URB2: variants seen among roughly 807,000 people sequenced by gnomAD.
URB2 encodes unhealthy ribosome biogenesis protein 2 homolog.
URB2 carries 86 observed loss-of-function variants against 120.9 expected under a neutral mutation model. That is an observed-to-expected ratio of 0.71 (90% CI 0.60 to 0.85). URB2 has a LOEUF of 0.85. Ranked by LOEUF, URB2 falls within the 40% of genes least tolerant of loss-of-function variation. The probability of loss-of-function intolerance (pLI) is 0.00; values close to 1 mark genes in which losing one functional copy is unlikely to be tolerated. For synonymous variants in URB2, 755 were observed against 758.4 expected (o/e 1.00, Z 0.07); for missense variants, 1,765 against 1,836.5 (o/e 0.96, Z 0.71).
At chr1:229,639,462 G>A (rs1215654468) in intron 4 of URB2, among the ~76,000 whole-genome samples, 3 of 151,464 alleles carry the variant, frequency 2.0e-5, no homozygotes, top group East Asian at 3.9e-4. Context: ...AGCCTCCCAA[G>A]TAACTGGGAC....
rs979221590 is a variant in URB2 at position 229,643,529 on chromosome 1, A to G, written c.3635-4A>G. 4 of 1,613,936 alleles carry G rather than the reference A, an allele frequency of 2.5e-6. No individual in the cohort carries two copies. The African/African-American group carries it at 4.0e-5, about 16-fold the overall frequency. On this transcript the variant is annotated splice_polypyrimidine_tract_variant and splice_region_variant and intron_variant, in intron 4 of 9. Transcript: ENST00000258243. The stretch of plus-strand genomic sequence containing the variant: ...TTAACAATTTTGGTTTCTTTCCCAC[A>G]CAGATCCTGAAATTCCTGTTCAGGT...
intron 2 of URB2, among the ~76,000 whole-genome samples, chr1:229,628,098 A>C (rs1054583532): frequency 7.1e-6 from 1 of 140,012 alleles, no homozygotes; most frequent in East Asian, 2.0e-4. Flanking sequence ...AAAATTATAT[A>C]TATTATATAT....
chr1:229,636,686 C>T lies in URB2; in HGVS notation c.2073C>T (p.Phe691=), dbSNP rs781516976. Residue 691 remains phenylalanine (F), a synonymous_variant, in exon 4 of 10, where the codon TTC becomes TTT. Coordinates refer to ENST00000258243, the MANE Select transcript of URB2 (RefSeq NM_014777.4). ...KMKRTLMQTS[F]RSEGAIQSLR... ...AAAGGACTTTAATGCAAACTAGTTT[C>T]CGGTCTGAAGGAGCCATCCAAAGTT... 6.2e-7 allele frequency: 1 copy of T among 1,614,172 alleles called. No individual in the cohort carries two copies. The highest frequency in any genetic ancestry group is 2.2e-5 in the East Asian group (1 of 44,882).
At chr1:229,655,966 A>T (rs1439642832) in intron 9 of URB2, among the ~76,000 whole-genome samples, 1 of 152,164 alleles carries the variant, frequency 6.6e-6, no homozygotes, top group African/African-American at 2.4e-5. Flanking sequence ...GGCCTTGCTC[A>T]CCTCGGCAGG....
chr1:229,628,246 A>G (rs1258597022), intron 2 of URB2, among the ~76,000 whole-genome samples: 1 of 145,800 alleles, frequency 6.9e-6, no homozygotes, highest in African/African-American at 2.5e-5. Flanking sequence ...TATATTATAC[A>G]TATACATATT....
At chr1:229,639,827 C>G (rs1237421141) in intron 4 of URB2, among the ~76,000 whole-genome samples, 1 of 152,168 alleles carries the variant, frequency 6.6e-6, no homozygotes, top group Non-Finnish European at 1.5e-5. Context: ...ACTAGGACCT[C>G]GTACACAGCC....
intron 7 of URB2, among the ~76,000 whole-genome samples, chr1:229,648,612 G>A (rs1381360094): frequency 6.6e-6 from 1 of 152,146 alleles, no homozygotes; most frequent in East Asian, 1.9e-4. Context: ...TGTGAAGGAG[G>A]CAGTAATCCC....
rs1328424714 is a variant in URB2 at position 229,659,238 on chromosome 1, A to G, written c.4516A>G (p.Asn1506Asp). 2 of 1,614,064 alleles carry G rather than the reference A, an allele frequency of 1.2e-6. No individual in the cohort carries two copies. The highest frequency in any genetic ancestry group is 3.3e-5 in the Admixed American group (2 of 60,032). ...GMRDIFKELY[N>D]DYLKYHKAKH... ...GAGAGACATCTTTAAGGAGCTCTAT[A>G]ATGACTATCTCAAGTACCACAAGGC... The change falls in exon 10 of 10, where the codon AAT (asparagine) becomes GAT (aspartate). Residue 1506 changes from asparagine to aspartate, a missense_variant. Coordinates refer to ENST00000258243, the MANE Select transcript of URB2 (RefSeq NM_014777.4).
At chr1:229,643,791 C>G (rs966541403) in intron 5 of URB2, 98 bp downstream of exon 5, 1 of 1,465,346 alleles carries the variant, frequency 6.8e-7, no homozygotes, top group Non-Finnish European at 9.2e-7. Flanking sequence ...TAAAACTAAA[C>G]AAGTTCTAAC....
intron 9 of URB2, among the ~76,000 whole-genome samples, chr1:229,655,554 T>G (rs1024204164): frequency 6.6e-6 from 1 of 152,222 alleles, no homozygotes; most frequent in Non-Finnish European, 1.5e-5. Flanking sequence ...TATCTTACTT[T>G]GGAATGTCAT....
Position 229,637,489 on chromosome 1 carries a change from G to T in URB2, c.2876G>T (p.Arg959Leu). 1.2e-6 allele frequency: 2 copies of T among 1,614,160 alleles called. No homozygotes were observed. The highest frequency in any genetic ancestry group is 1.7e-6 in the Non-Finnish European group (2 of 1,180,042). The change falls in exon 4 of 10, where the codon CGC becomes CTC. Residue 959 changes from arginine (R) to leucine (L), a missense_variant. By Grantham distance (102) the Arg-to-Leu change is moderately radical. Transcript: ENST00000258243. ...LGYLQKGKSA[R>L]SVFKIMYGSD... The stretch of plus-strand genomic sequence containing the variant: ...TACTTGCAAAAGGGGAAAAGTGCTC[G>T]CTCTGTGTTCAAGATCATGTATGGT...
At chr1:229,654,471 G>T in intron 9 of URB2, 83 bp downstream of exon 9, 1 of 1,583,152 alleles carries the variant, frequency 6.3e-7, no homozygotes. Context: ...GGCAAGCGGT[G>T]TTCTGGATCT....
At chr1:229,651,764 T>C (rs183245889) in intron 8 of URB2, among the ~76,000 whole-genome samples, 18 of 152,340 alleles carry the variant, frequency 1.2e-4, no homozygotes, top group Admixed American at 7.8e-4. Context: ...GGCAAGGGTG[T>C]GTTTGTTTAC....
At chr1:229,642,013 A>G (rs781407322) in intron 4 of URB2, among the ~76,000 whole-genome samples, 1 of 152,120 alleles carries the variant, frequency 6.6e-6, no homozygotes, top group African/African-American at 2.4e-5. Flanking sequence ...CTGTCTCCAG[A>G]AACATAAAAA....
Position 229,635,141 on chromosome 1 carries a change from C to T in URB2, c.528C>T (p.Ala176=), listed in dbSNP as rs147872847. 3 of 1,614,140 alleles carry T rather than the reference C, an allele frequency of 1.9e-6. No individual in the cohort carries two copies. Among genetic ancestry groups the T allele is most frequent in the Non-Finnish European group, 2.5e-6 (3 of 1,180,026 alleles). Residue 176 remains alanine (A), a synonymous_variant, in exon 4 of 10, where the codon GCC becomes GCT. Coordinates refer to ENST00000258243, the MANE Select transcript of URB2 (RefSeq NM_014777.4). ...VAQLFEVIHL[A]LGHYLLILQQ... ...AGTTGTTTGAGGTCATTCACCTGGC[C>T]CTTGGCCATTATCTCTTGATCCTGC... is the stretch of plus-strand genomic sequence containing the variant.
intron 9 of URB2, among the ~76,000 whole-genome samples, chr1:229,655,524 G>A (rs967704614): frequency 5.9e-5 from 9 of 152,148 alleles, no homozygotes; most frequent in Non-Finnish European, 7.3e-5. Context: ...GTGAGCCACC[G>A]CGCCCAGCCA....
chr1:229,634,480 C>T (rs929097968), intron 3 of URB2, among the ~76,000 whole-genome samples: 27 of 152,168 alleles, frequency 1.8e-4, no homozygotes, highest in South Asian at 8.3e-4. Context: ...GCTGGGATTA[C>T]GGGTGTGAGG....
Position 229,659,285 on chromosome 1 carries a change from A to T in URB2, c.4563A>T (p.Arg1521Ser). 1 of 1,613,940 alleles carries T rather than the reference A, an allele frequency of 6.2e-7. No homozygotes were observed. Among genetic ancestry groups the T allele is most frequent in the Non-Finnish European group, 8.5e-7 (1 of 1,180,038 alleles). Residue 1521 changes from arginine to serine, a missense_variant, in exon 10 of 10, where the codon AGA becomes AGT. Physicochemically the swap from Arg to Ser is moderately radical, Grantham distance 110. Coordinates refer to ENST00000258243, the MANE Select transcript of URB2 (RefSeq NM_014777.4). ...AGGCCAAACATGAAGGAGAGAAAAG[A>T]TATACGGCCTAAGGCTATGGGACAG... is the stretch of plus-strand genomic sequence containing the variant. ...YHKAKHEGEK[R>S]YTA
intron 1 of URB2, among the ~76,000 whole-genome samples, chr1:229,627,003 G>C (rs1665505687): frequency 6.6e-6 from 1 of 150,812 alleles, no homozygotes; most frequent in East Asian, 1.9e-4. Context: ...AACTGTAGGT[G>C]TTTGGTATGT....
Sources: allele counts gnomAD v4.1 joint callset (sites outside exome capture counted in the v4.1 genomes callset), GRCh38; gene constraint gnomAD v4.1.1; transcripts MANE v1.5; gene names NCBI Gene and HGNC (gene_info 2026-07-23, HGNC 2026-07-21).